Variants in CFAP54 observed in about 807,000 individuals in gnomAD.
CFAP54 encodes the protein cilia- and flagella-associated protein 54.
Under a neutral mutation model 370.4 loss-of-function variants are expected in CFAP54, and 290 were observed. That is an observed-to-expected ratio of 0.78 (90% CI 0.71 to 0.86). CFAP54 has a LOEUF of 0.86. Ranked by LOEUF, CFAP54 falls within the 40% of genes least tolerant of loss-of-function variation. CFAP54 has a pLI of 0.00. For synonymous variants in CFAP54, 1,206 were observed against 1,236.5 expected, an observed-to-expected ratio of 0.98 and a Z score of 0.52; for missense variants, 3,399 against 3,528.7, an observed-to-expected ratio of 0.96 and a Z score of 0.93.
At chr12:96,858,048 G>A (rs1052838627) in intron 66 of CFAP54, among the ~76,000 whole-genome samples, 1 of 152,160 alleles carries the variant, frequency 6.6e-6, no homozygotes, top group Non-Finnish European at 1.5e-5. Context: ...TGGGTCTAAT[G>A]ATAGTTCCAC....
chr12:96,567,961 A>G (rs1195660917), intron 19 of CFAP54, among the ~76,000 whole-genome samples: 1 of 152,140 alleles, frequency 6.6e-6, no homozygotes, highest in Non-Finnish European at 1.5e-5. Flanking sequence ...TGGCTCAAAC[A>G]TTTGGACCAG....
intron 1 of CFAP54, among the ~76,000 whole-genome samples, chr12:96,498,872 A>G (rs1954989297): frequency 6.6e-6 from 1 of 152,212 alleles, no homozygotes. Context: ...ATATTTGCAG[A>G]AGACATATTT....
chr12:96,819,726 T>A (rs1959010959), intron 65 of CFAP54, among the ~76,000 whole-genome samples: 1 of 152,230 alleles, frequency 6.6e-6, no homozygotes, highest in South Asian at 2.1e-4. Flanking sequence ...CTTTTATTCT[T>A]TATATTTTCT....
intron 12 of CFAP54, among the ~76,000 whole-genome samples, chr12:96,536,987 A>AATTCAATT (rs369063940): frequency 4.5e-4 from 67 of 147,520 alleles, no homozygotes; most frequent in Middle Eastern, 3.5e-3. Context: ...TCAATTCAAT[A>AATTCAATT]CAATTCAATT....
At chr12:96,868,434 T>TC (rs1960063741) in intron 67 of CFAP54, among the ~76,000 whole-genome samples, 1 of 151,694 alleles carries the variant, frequency 6.6e-6, no homozygotes. Flanking sequence ...GTTCATCTTT[T>TC]TTTTTTTTTT....
chr12:96,730,118 A>G (rs1957903981), intron 50 of CFAP54, among the ~76,000 whole-genome samples: 1 of 152,220 alleles, frequency 6.6e-6, no homozygotes, highest in African/African-American at 2.4e-5. Context: ...GCTGCCTGCC[A>G]GGGACACAGA....
At chr12:96,782,829 C>T (rs1158288337) in intron 60 of CFAP54, among the ~76,000 whole-genome samples, 4 of 152,108 alleles carry the variant, frequency 2.6e-5, no homozygotes, top group Admixed American at 6.5e-5. Context: ...TTTGTGCATG[C>T]GTGCACCAGA....
intron 9 of CFAP54, 97 bp from the exon 10 acceptor site, chr12:96,533,695 A>G: frequency 1.1e-6 from 1 of 893,478 alleles, no homozygotes; most frequent in Non-Finnish European, 1.6e-6. Context: ...GAAAGCAGGG[A>G]TTGTGTTTTC....
At chr12:96,815,249 A>T (rs571608163) in intron 64 of CFAP54, among the ~76,000 whole-genome samples, 11 of 152,244 alleles carry the variant, frequency 7.2e-5, no homozygotes, top group African/African-American at 2.4e-4. Context: ...TTGCCATTCT[A>T]ACTGGTGTGA....
At chr12:96,670,837 A>G (rs1315896804) in intron 39 of CFAP54, among the ~76,000 whole-genome samples, 1 of 152,224 alleles carries the variant, frequency 6.6e-6, no homozygotes, top group Non-Finnish European at 1.5e-5. Context: ...CACCGCCAGC[A>G]TAGGGCCTTG....
chr12:96,784,175 A>C (rs1259489701), intron 60 of CFAP54, among the ~76,000 whole-genome samples: 1 of 152,184 alleles, frequency 6.6e-6, no homozygotes, highest in Non-Finnish European at 1.5e-5. Flanking sequence ...GTTTTCTTAG[A>C]TCTTGCCAAA....
At chr12:96,552,333 T>A (rs1955703745) in intron 15 of CFAP54, among the ~76,000 whole-genome samples, 1 of 151,706 alleles carries the variant, frequency 6.6e-6, no homozygotes, top group Non-Finnish European at 1.5e-5. Context: ...GCATATTTAG[T>A]AATAATAATC....
intron 62 of CFAP54, 41 bp from the exon 63 acceptor site, chr12:96,792,288 T>C (rs1443067187): frequency 7.0e-7 from 1 of 1,424,758 alleles, no homozygotes; most frequent in South Asian, 1.5e-5. Context: ...GTAACAAATT[T>C]ATTACCAGTA....
chr12:96,722,294 C>T (rs1221834773), intron 50 of CFAP54, among the ~76,000 whole-genome samples: 2 of 152,164 alleles, frequency 1.3e-5, no homozygotes, highest in African/African-American at 2.4e-5. Context: ...TGGGATCAGT[C>T]GTGACATCTG....
rs988772285 is a variant in CFAP54, at chr12:96,697,636, G to A, written c.6352-2335G>A. ...AAGATAATAATAAATGGGAAACAGAGAGTATGATGGGTGGACATGCTGAGG... is the reference window on the plus strand; with the variant it reads ...AAGATAATAATAAATGGGAAACAGAAAGTATGATGGGTGGACATGCTGAGG... On this transcript the variant is annotated intron_variant, in intron 45 of 67. Coordinates refer to ENST00000524981, the MANE Select transcript of CFAP54 (RefSeq NM_001306084.2). Among the ~76,000 whole-genome samples the A allele has an allele frequency of 1.4e-4, 22 of 152,064 alleles. 1 individual carries two copies. The highest frequency in any genetic ancestry group is 4.8e-4 in the African/African-American group (20 of 41,384).
chr12:96,851,198 T>C (rs1306861097), intron 66 of CFAP54, among the ~76,000 whole-genome samples: 1 of 152,214 alleles, frequency 6.6e-6, no homozygotes, highest in African/African-American at 2.4e-5. Context: ...ATTTATGACA[T>C]TGATGTGCTT....
intron 11 of CFAP54, 114 bp downstream of exon 11, chr12:96,534,341 G>C (rs960449476): frequency 6.3e-6 from 4 of 630,150 alleles, no homozygotes; most frequent in Non-Finnish European, 1.1e-5. Context: ...CAAAGGCCCT[G>C]AGACAAGAGT....
At chr12:96,675,026 G>A (rs1957189679) in intron 39 of CFAP54, among the ~76,000 whole-genome samples, 1 of 151,988 alleles carries the variant, frequency 6.6e-6, no homozygotes, top group African/African-American at 2.4e-5. Flanking sequence ...CATAGGCATG[G>A]GCAAGGACTT....
At position 96,704,254 on chromosome 12, in the gene CFAP54, C is replaced by T. The variant is rs529766289; in HGVS notation, c.6475-489C>T. Among the ~76,000 whole-genome samples the T allele has an allele frequency of 3.3e-5, 5 of 151,362 alleles. No individual in the cohort carries two copies. The South Asian group carries it at 6.3e-4, about 19-fold the overall frequency. ...CATCCTGGCTAACACGGTGAAACCC[C>T]GTGTCTACTAAAAATACAAAAATTT... On this transcript the variant is annotated intron_variant, in intron 46 of 67. Coordinates refer to ENST00000524981, the MANE Select transcript of CFAP54 (RefSeq NM_001306084.2).
Sources: gnomAD v4.1 joint callset for allele counts (sites outside exome capture counted in the v4.1 genomes callset) on GRCh38, gnomAD v4.1.1 for gene constraint, MANE v1.5 for transcripts, NCBI Gene and HGNC (gene_info 2026-07-23, HGNC 2026-07-21) for gene names.